MEGF11: variants seen among roughly 807,000 people sequenced by gnomAD.
The protein encoded by MEGF11 is multiple EGF like domains 11, also known as multiple epidermal growth factor-like domains protein 11.
Under a neutral mutation model 146.6 loss-of-function variants are expected in MEGF11, and 126 were observed. That is an observed-to-expected ratio of 0.86 (90% CI 0.74 to 1.00). The LOEUF is 1.00. MEGF11 is among the 50% of genes least tolerant of loss of function. The probability of loss-of-function intolerance (pLI) is 0.00; values close to 1 mark genes in which losing one functional copy is unlikely to be tolerated. For missense variants in MEGF11, 1,509 were observed against 1,521.2 expected, an observed-to-expected ratio of 0.99 and a Z score of 0.13; for synonymous variants, 532 against 583.4, an observed-to-expected ratio of 0.91 and a Z score of 1.27.
chr15:66,251,234 C>T (rs1322167630), intron 1 of MEGF11, among the ~76,000 whole-genome samples: 1 of 152,220 alleles, frequency 6.6e-6, no homozygotes, highest in Admixed American at 6.5e-5. Flanking sequence ...CTGCCTCCTT[C>T]TTAGGACTCA....
intron 1 of MEGF11, among the ~76,000 whole-genome samples, chr15:66,196,180 C>G (rs2091005131): frequency 6.6e-6 from 1 of 152,008 alleles, no homozygotes; most frequent in African/African-American, 2.4e-5. Flanking sequence ...GGCCCATATT[C>G]AGGATTTGGG....
At chr15:65,937,709 T>G (rs1171088093) in intron 10 of MEGF11, among the ~76,000 whole-genome samples, 1 of 152,252 alleles carries the variant, frequency 6.6e-6, no homozygotes, top group Non-Finnish European at 1.5e-5. Context: ...CCAGTCATGA[T>G]CTAGATATTC....
At chr15:65,977,061 TG>T (rs1218646743) in intron 7 of MEGF11, among the ~76,000 whole-genome samples, 8 of 149,296 alleles carry the variant, frequency 5.4e-5, no homozygotes, top group South Asian at 2.1e-4. Context: ...CCCAGCTACT[TG>T]GGAGGCTGAG....
intron 5 of MEGF11, among the ~76,000 whole-genome samples, chr15:66,074,534 T>A (rs576394504): frequency 1.3e-5 from 2 of 152,352 alleles, no homozygotes; most frequent in Admixed American, 6.5e-5. Flanking sequence ...AGGAGAGTCA[T>A]GAAATCAATA....
chr15:66,209,791 TA>T (rs1311672682), intron 1 of MEGF11, among the ~76,000 whole-genome samples: 1 of 151,598 alleles, frequency 6.6e-6, no homozygotes, highest in East Asian at 1.9e-4. Context: ...AGTGAAGCTA[TA>T]AAAGAACAAC....
At chr15:65,910,099 T>C in intron 21 of MEGF11, 2 of 561,296 alleles carry the variant, frequency 3.6e-6, no homozygotes, top group East Asian at 3.9e-5. Flanking sequence ...GCAGATTAGC[T>C]GGGGGGTGGG....
chr15:66,019,262 A>T lies in MEGF11; in HGVS notation c.395-36774T>A, dbSNP rs554057880. Among the ~76,000 whole-genome samples the T allele has an allele frequency of 2.6e-5, 4 of 152,260 alleles. No homozygotes were observed. In the East Asian group the frequency reaches 5.8e-4, roughly 22 times the overall value. Reference sequence around the variant, plus strand: ...GACAGCACTCCCCTTGCCAAGCACCAATCCTGACATGGCATCCTTCTGCTG... The same window carrying T: ...GACAGCACTCCCCTTGCCAAGCACCTATCCTGACATGGCATCCTTCTGCTG... On this transcript the variant is annotated intron_variant, in intron 5 of 25. Coordinates refer to ENST00000395614, the MANE Select transcript of MEGF11 (RefSeq NM_001385028.1).
At chr15:66,107,173 G>A (rs762364454) in intron 4 of MEGF11, among the ~76,000 whole-genome samples, 4 of 152,156 alleles carry the variant, frequency 2.6e-5, no homozygotes, top group Non-Finnish European at 5.9e-5. Context: ...CGTAAGGAGT[G>A]TCCAGCTCCC....
intron 1 of MEGF11, among the ~76,000 whole-genome samples, chr15:66,135,124 T>C (rs1045064008): frequency 6.6e-6 from 1 of 152,178 alleles, no homozygotes; most frequent in Non-Finnish European, 1.5e-5. Context: ...GCAGGTAACG[T>C]GGTTGGCCCA....
At chr15:65,942,583 C>T (rs1006724889) in intron 10 of MEGF11, among the ~76,000 whole-genome samples, 2 of 152,160 alleles carry the variant, frequency 1.3e-5, no homozygotes, top group African/African-American at 4.8e-5. Flanking sequence ...TGCTGCTGAC[C>T]TCAGATGCTA....
chr15:65,976,871 C>T (rs1466197171), intron 7 of MEGF11, among the ~76,000 whole-genome samples: 2 of 152,092 alleles, frequency 1.3e-5, no homozygotes, highest in Non-Finnish European at 1.5e-5. Context: ...AGGATCTTGG[C>T]GGCCAGGTCC....
intron 8 of MEGF11, among the ~76,000 whole-genome samples, chr15:65,965,571 C>CCTTTCTTTCTTTCTTTCTTT (rs1185795809): frequency 6.0e-5 from 4 of 66,608 alleles, no homozygotes; most frequent in Non-Finnish European, 8.4e-5. Flanking sequence ...CAGTGAGGTC[C>CCTTTCTTTCTTTCTTTCTTT]CTTTCTTTCT....
intron 5 of MEGF11, among the ~76,000 whole-genome samples, chr15:66,078,135 T>C: frequency 6.6e-6 from 1 of 152,162 alleles, no homozygotes; most frequent in East Asian, 1.9e-4. Flanking sequence ...CTGCTGCTTA[T>C]GAGTACCCTT....
At chr15:66,191,268 G>A (rs376401505) in intron 1 of MEGF11, among the ~76,000 whole-genome samples, 6 of 152,166 alleles carry the variant, frequency 3.9e-5, no homozygotes, top group African/African-American at 1.4e-4. Context: ...CCGCTCTCCG[G>A]GCTGGCCATT....
intron 5 of MEGF11, among the ~76,000 whole-genome samples, chr15:66,030,520 C>T (rs1348619056): frequency 6.6e-6 from 1 of 152,206 alleles, no homozygotes; most frequent in Non-Finnish European, 1.5e-5. Flanking sequence ...AGTGATTCTC[C>T]TGCCTCAGCC....
intron 5 of MEGF11, among the ~76,000 whole-genome samples, chr15:66,068,993 G>A (rs1188275055): frequency 6.6e-6 from 1 of 152,234 alleles, no homozygotes; most frequent in East Asian, 1.9e-4. Flanking sequence ...GAGTGGCAGT[G>A]TGCTTGGTCA....
chr15:66,048,348 C>T (rs1396296682), intron 5 of MEGF11, among the ~76,000 whole-genome samples: 5 of 152,238 alleles, frequency 3.3e-5, no homozygotes, highest in Admixed American at 6.5e-5. Context: ...CCACCCAATC[C>T]TGCACTATGT....
intron 1 of MEGF11, among the ~76,000 whole-genome samples, chr15:66,185,644 G>A (rs1209803930): frequency 1.3e-5 from 2 of 152,172 alleles, no homozygotes; most frequent in Admixed American, 1.3e-4. Context: ...GATGGAGGAG[G>A]TCACCCCAAA....
chr15:66,200,593 CAG>C (rs944614277), intron 1 of MEGF11, among the ~76,000 whole-genome samples: 2 of 152,178 alleles, frequency 1.3e-5, no homozygotes, highest in South Asian at 2.1e-4. Flanking sequence ...ACAGGAATGA[CAG>C]AGCCTAGGCT....
Sources: gnomAD v4.1 joint callset for allele counts (sites outside exome capture counted in the v4.1 genomes callset) on GRCh38, gnomAD v4.1.1 for gene constraint, MANE v1.5 for transcripts, NCBI Gene and HGNC (gene_info 2026-07-23, HGNC 2026-07-21) for gene names.